Variants in THSD4 observed in about 807,000 individuals in gnomAD.
The protein encoded by THSD4 is thrombospondin type-1 domain-containing protein 4.
THSD4 carries 69 observed loss-of-function variants against 119.0 expected under a neutral mutation model. That is an observed-to-expected ratio of 0.58 (90% CI 0.48 to 0.71). The LOEUF (loss-of-function observed/expected upper bound fraction) is 0.71, where lower values mean the gene tolerates loss of function less well. Among genes scored for constraint, THSD4 ranks in the 30% least tolerant of loss-of-function variants. The pLI is 0.00. For synonymous variants in THSD4, 524 were observed against 540.4 expected (o/e 0.97, Z 0.42); for missense variants, 1,393 against 1,391.1 (o/e 1.00, Z -0.02).
intron 1 of THSD4, among the ~76,000 whole-genome samples, chr15:71,104,859 T>C (rs535373511): frequency 1.3e-5 from 2 of 152,210 alleles, no homozygotes; most frequent in South Asian, 2.1e-4. Flanking sequence ...TAAGGAAGTA[T>C]GTGAACCAAT....
chr15:71,757,172 G>A (rs1023642851), intron 14 of THSD4, among the ~76,000 whole-genome samples: 11 of 152,064 alleles, frequency 7.2e-5, no homozygotes, highest in Non-Finnish European at 8.8e-5. Context: ...GCTCCAGGCC[G>A]CACAGCTAGT....
At chr15:71,280,213 T>TGGAGCAAAGAACTTATAA (rs2044635744) in intron 6 of THSD4, among the ~76,000 whole-genome samples, 1 of 152,148 alleles carries the variant, frequency 6.6e-6, no homozygotes, top group Non-Finnish European at 1.5e-5. Flanking sequence ...GTCCTTCCTC[T>TGGAGCAAAGAACTTATAA]GGAGCAAAGA....
chr15:71,380,472 T>G (rs1436028422), intron 6 of THSD4, among the ~76,000 whole-genome samples: 2 of 152,072 alleles, frequency 1.3e-5, no homozygotes, highest in Non-Finnish European at 2.9e-5. Flanking sequence ...ATACAAATAT[T>G]TAAGACTTGA....
chr15:71,374,156 A>T (rs571187810), intron 6 of THSD4, among the ~76,000 whole-genome samples: 2 of 152,218 alleles, frequency 1.3e-5, no homozygotes, highest in Non-Finnish European at 2.9e-5. Context: ...TCAGTACTAC[A>T]GTCCTTCTGC....
At chr15:71,154,131 T>C (rs2040753263) in intron 2 of THSD4, among the ~76,000 whole-genome samples, 1 of 152,136 alleles carries the variant, frequency 6.6e-6, no homozygotes, top group South Asian at 2.1e-4. Context: ...GTTTGAGGCA[T>C]GGAAATGCTA....
intron 7 of THSD4, among the ~76,000 whole-genome samples, chr15:71,568,115 C>G (rs2049276839): frequency 6.6e-6 from 1 of 152,030 alleles, no homozygotes; most frequent in Non-Finnish European, 1.5e-5. Context: ...AAACTTGGGA[C>G]TAGTCACAAG....
chr15:71,700,267 C>T (rs1277654622), intron 8 of THSD4, among the ~76,000 whole-genome samples: 2 of 152,220 alleles, frequency 1.3e-5, no homozygotes, highest in Non-Finnish European at 2.9e-5. Flanking sequence ...ACATTTAAAA[C>T]TCAATAGCTT....
Position 71,704,080 on chromosome 15 carries a change from C to G in THSD4, c.1358-24469C>G, listed in dbSNP as rs939684654. On this transcript the variant is annotated intron_variant, in intron 8 of 17. Transcript: ENST00000261862. ...AGCCAGAATGGTCTCAATCTCCTGA[C>G]CTCGTGATCCGCCCACCTTGGCCTC... Among the ~76,000 whole-genome samples, 21 of 152,130 alleles carry G rather than the reference C, an allele frequency of 1.4e-4. 1 individual carries two copies. Among genetic ancestry groups the G allele is most frequent in the African/African-American group, 5.1e-4 (21 of 41,426 alleles).
At chr15:71,200,093 G>A (rs369274997) in intron 3 of THSD4, among the ~76,000 whole-genome samples, 4 of 152,052 alleles carry the variant, frequency 2.6e-5, no homozygotes, top group Non-Finnish European at 5.9e-5. Flanking sequence ...AGAGTGCTAG[G>A]GGTGGTGGAG....
intron 7 of THSD4, among the ~76,000 whole-genome samples, chr15:71,584,262 CTTTTTT>C (rs71154789): frequency 3.2e-5 from 2 of 61,802 alleles, no homozygotes; most frequent in African/African-American, 7.6e-5. Flanking sequence ...TTTTCACTTT[CTTTTTT>C]TTTTTTTTTT....
chr15:71,772,611 A>G (rs537238077), intron 17 of THSD4, among the ~76,000 whole-genome samples: 70 of 152,336 alleles, frequency 4.6e-4, no homozygotes, highest in African/African-American at 1.3e-3. Context: ...AACTAAAACT[A>G]TTAGGTTGGT....
intron 7 of THSD4, among the ~76,000 whole-genome samples, chr15:71,538,409 T>A (rs576285670): frequency 6.6e-6 from 1 of 152,354 alleles, no homozygotes; most frequent in African/African-American, 2.4e-5. Context: ...TCTACATGTT[T>A]AGTCAGGTAA....
intron 7 of THSD4, among the ~76,000 whole-genome samples, chr15:71,657,106 A>G (rs2140990294): frequency 6.6e-6 from 1 of 152,260 alleles, no homozygotes; most frequent in Middle Eastern, 3.4e-3. Flanking sequence ...CACGACATAG[A>G]GCATGCAAGC....
At position 71,459,160 on chromosome 15, in the gene THSD4, C is replaced by CTTTTTT. The variant is rs372209662; in HGVS notation, c.1152+47350_1152+47355dup. Among the ~76,000 whole-genome samples the CTTTTTT allele has an allele frequency of 4.9e-4, 63 of 128,872 alleles. 1 individual carries two copies. The highest frequency in any genetic ancestry group is 1.6e-3 in the African/African-American group (54 of 34,634). 84.5% of individuals were successfully genotyped at this position (128,872 alleles called of 152,430 possible). ...CTTTTCTTTTTCATTTTCTTTTTTT[C>CTTTTTT]TTTTTTTTTTTTTTTTTTGACAGAG... On this transcript the variant is annotated intron_variant, in intron 7 of 17. Coordinates refer to ENST00000261862, the MANE Select transcript of THSD4 (RefSeq NM_024817.3).
intron 8 of THSD4, among the ~76,000 whole-genome samples, chr15:71,711,867 G>A (rs1360418023): frequency 6.6e-6 from 1 of 152,084 alleles, no homozygotes; most frequent in African/African-American, 2.4e-5. Flanking sequence ...AGCCATAAAG[G>A]TATATGCATC....
intron 13 of THSD4, 149 bp downstream of exon 13, chr15:71,747,191 C>G: frequency 1.2e-6 from 1 of 866,236 alleles, no homozygotes; most frequent in Non-Finnish European, 1.8e-6. Flanking sequence ...TTTTTGCAAA[C>G]CACAGGATGT....
intron 7 of THSD4, among the ~76,000 whole-genome samples, chr15:71,606,994 C>T (rs1450628137): frequency 6.6e-6 from 1 of 152,212 alleles, no homozygotes; most frequent in Non-Finnish European, 1.5e-5. Flanking sequence ...AAAAGCTCAG[C>T]AATGCTCCAA....
intron 7 of THSD4, among the ~76,000 whole-genome samples, chr15:71,453,204 T>A (rs751159377): frequency 6.6e-6 from 1 of 152,200 alleles, no homozygotes; most frequent in Non-Finnish European, 1.5e-5. Flanking sequence ...TATGGAAACC[T>A]GAGCAGACTA....
At chr15:71,140,943 T>C (rs2040597106) in intron 1 of THSD4, among the ~76,000 whole-genome samples, 1 of 152,266 alleles carries the variant, frequency 6.6e-6, no homozygotes, top group Non-Finnish European at 1.5e-5. Flanking sequence ...ATAAATGGAA[T>C]CATATAATGC....
Sources: allele counts gnomAD v4.1 joint callset (sites outside exome capture counted in the v4.1 genomes callset), GRCh38; gene constraint gnomAD v4.1.1; transcripts MANE v1.5; gene names NCBI Gene and HGNC (gene_info 2026-07-23, HGNC 2026-07-21).